The following CDKL5 variants were observed in gnomAD, a reference collection of about 807,000 sequenced individuals.
CDKL5 encodes the protein cyclin-dependent kinase-like 5.
A neutral mutation model predicts 61.7 loss-of-function variants in CDKL5; 8 were observed. The observed-to-expected ratio is 0.13, with a 90% CI of 0.08 to 0.23. CDKL5 has a LOEUF of 0.23. Ranked by LOEUF, CDKL5 falls within the 10% of genes least tolerant of loss-of-function variation. The pLI is 1.00. For missense variants in CDKL5, 440 were observed against 734.5 expected (o/e 0.60, Z 4.63); for synonymous variants, 275 against 272.3 (o/e 1.01, Z -0.10).
intron 9 of CDKL5, among the ~76,000 whole-genome samples, chrX:18,592,802 C>A (rs1925871088): frequency 8.9e-6 from 1 of 112,082 alleles, no homozygotes; most frequent in Non-Finnish European, 1.9e-5. Flanking sequence ...ACCATGGACT[C>A]ACCAGTAACC....
chrX:18,435,441 C>T (rs916609141), intron 1 of CDKL5, among the ~76,000 whole-genome samples: 5 of 111,828 alleles, frequency 4.5e-5, no homozygotes, highest in African/African-American at 1.6e-4. Context: ...AATAACCTGT[C>T]CTACATCCTG....
At chrX:18,619,734 C>T in intron 15 of CDKL5, 133 bp from the exon 16 acceptor site, 1 of 476,961 alleles carries the variant, frequency 2.1e-6, no homozygotes, top group Non-Finnish European at 3.6e-6. Flanking sequence ...TTTAGAGGCT[C>T]TTTACCCAAG....
At chrX:18,652,370 GAATT>G (rs1346023949) in intron 21 of CDKL5, among the ~76,000 whole-genome samples, 1 of 112,325 alleles carries the variant, frequency 8.9e-6, no homozygotes, top group East Asian at 2.8e-4. Flanking sequence ...TGTTGTGAAA[GAATT>G]AAGGGGATCC....
At chrX:18,427,323 G>A (rs1483738820) in intron 1 of CDKL5, among the ~76,000 whole-genome samples, 1 of 104,911 alleles carries the variant, frequency 9.5e-6, no homozygotes, top group Non-Finnish European at 2.0e-5. Flanking sequence ...TTCGGGGCGG[G>A]GGTTGGGGGG....
intron 9 of CDKL5, among the ~76,000 whole-genome samples, chrX:18,594,925 G>T (rs1456944493): frequency 8.9e-6 from 1 of 112,300 alleles, no homozygotes. Context: ...GCTCACGCCT[G>T]TAATCCCAGC....
chrX:18,607,911 A>G (rs1926416742), intron 12 of CDKL5, among the ~76,000 whole-genome samples: 1 of 112,015 alleles, frequency 8.9e-6, no homozygotes, highest in Non-Finnish European at 1.9e-5. Context: ...ACATTTGGAG[A>G]ATGAGAGGGA....
chrX:18,477,056 C>T (rs920044178), intron 1 of CDKL5, among the ~76,000 whole-genome samples: 2 of 111,633 alleles, frequency 1.8e-5, no homozygotes, highest in African/African-American at 3.3e-5. Context: ...GCGTGAGCCA[C>T]TGCACCTGGC....
At chrX:18,513,454 A>G (rs1039447981) in intron 3 of CDKL5, among the ~76,000 whole-genome samples, 87 of 110,879 alleles carry the variant, frequency 7.8e-4, no homozygotes, top group African/African-American at 2.8e-3. Flanking sequence ...TATATGGCTT[A>G]TGGTCTGTCT....
At chrX:18,570,812 T>G (rs1426241870) in intron 4 of CDKL5, among the ~76,000 whole-genome samples, 1 of 112,362 alleles carries the variant, frequency 8.9e-6, no homozygotes, top group Non-Finnish European at 1.9e-5. Flanking sequence ...AATTGTTCTC[T>G]TTAGCAAATC....
At chrX:18,589,465 T>C (rs1183972151) in intron 9 of CDKL5, 3 of 111,516 alleles carry the variant, frequency 2.7e-5, no homozygotes, top group Non-Finnish European at 5.6e-5. Context: ...ACAAAGGACA[T>C]GAACTCATCC....
At position 18,523,784 on chromosome X, in the gene CDKL5, T is replaced by G. The variant is rs192803777; in HGVS notation, c.99+12930T>G. On this transcript the variant is annotated intron_variant, in intron 3 of 17. Transcript: ENST00000623535. The stretch of plus-strand genomic sequence containing the variant: ...GAGTTATTTATACCTTTGGTTATTA[T>G]GAATAATGCTGCTATGAACATTCAC... 4.5e-5 allele frequency among the ~76,000 whole-genome samples: 5 copies of G among 112,279 alleles called. No homozygotes were observed. The East Asian group carries it at 8.4e-4, about 19-fold the overall frequency.
chrX:18,644,740 G>A (rs1927713642), downstream of CDKL5: 5 of 690,736 alleles, frequency 7.2e-6, no homozygotes, highest in East Asian at 6.7e-5. Flanking sequence ...TGCCAAGCTC[G>A]GGCAGTCTGG....
intron 1 of CDKL5, among the ~76,000 whole-genome samples, chrX:18,428,481 ACACAGTACCT>A (rs1450803973): frequency 8.9e-6 from 1 of 111,759 alleles, no homozygotes; most frequent in East Asian, 2.8e-4. Context: ...AGGTATGCTA[ACACAGTACCT>A]GATTTTTGGC....
At chrX:18,465,883 G>T (rs1303040867) in intron 1 of CDKL5, among the ~76,000 whole-genome samples, 2 of 111,716 alleles carry the variant, frequency 1.8e-5, no homozygotes, top group Non-Finnish European at 3.8e-5. Context: ...CTACATAGAA[G>T]ATTTTCCACT....
At chrX:18,454,434 A>C (rs894755461) in intron 1 of CDKL5, among the ~76,000 whole-genome samples, 15 of 108,984 alleles carry the variant, frequency 1.4e-4, no homozygotes, top group African/African-American at 4.7e-4. Flanking sequence ...ACATGGTTTC[A>C]CTGCGTTGGC....
intron 3 of CDKL5, among the ~76,000 whole-genome samples, chrX:18,552,222 A>G (rs2147123083): frequency 9.7e-6 from 1 of 103,247 alleles, no homozygotes; most frequent in Non-Finnish European, 2.0e-5. Flanking sequence ...TGGGCAACAG[A>G]GTGAGACTCC....
chrX:18,596,270 C>T (rs1452876706), intron 10 of CDKL5, among the ~76,000 whole-genome samples: 1 of 109,919 alleles, frequency 9.1e-6, no homozygotes, highest in African/African-American at 3.3e-5. Context: ...AGAACTTTGC[C>T]GTGCTTTAAA....
At chrX:18,426,751 T>C (rs1371210323) in intron 1 of CDKL5, 1 of 112,527 alleles carries the variant, frequency 8.9e-6, no homozygotes, top group Non-Finnish European at 1.9e-5. Context: ...ATGTAAAAGA[T>C]TACACAAATT....
chrX:18,544,634 C>T (rs1001461324), intron 3 of CDKL5, among the ~76,000 whole-genome samples: 12 of 111,685 alleles, frequency 1.1e-4, no homozygotes, highest in African/African-American at 3.9e-4. Flanking sequence ...CTTCTTTCAG[C>T]GACGTGACAA....
Sources: gnomAD v4.1 joint callset for allele counts (sites outside exome capture counted in the v4.1 genomes callset) on GRCh38, gnomAD v4.1.1 for gene constraint, MANE v1.5 for transcripts, NCBI Gene and HGNC (gene_info 2026-07-23, HGNC 2026-07-21) for gene names.